CADPS2: variants seen among roughly 807,000 people sequenced by gnomAD.
CADPS2 encodes calcium-dependent secretion activator 2.
A neutral mutation model predicts 172.5 loss-of-function variants in CADPS2; 93 were observed. That is an observed-to-expected ratio of 0.54 (90% CI 0.46 to 0.64). The LOEUF (loss-of-function observed/expected upper bound fraction) is 0.64, where lower values mean the gene tolerates loss of function less well. Ranked by LOEUF, CADPS2 falls within the 30% of genes least tolerant of loss-of-function variation. The pLI, the probability that CADPS2 is intolerant of heterozygous loss-of-function variation, is 0.00. For synonymous variants in CADPS2, 546 were observed against 555.2 expected (o/e 0.98, Z 0.23); for missense variants, 1,420 against 1,565.9 (o/e 0.91, Z 1.57).
intron 2 of CADPS2, among the ~76,000 whole-genome samples, chr7:122,689,020 T>C (rs1233760848): frequency 6.6e-6 from 1 of 152,142 alleles, no homozygotes. Flanking sequence ...CCTAGGCTGA[T>C]GGAGTCCTTT....
intron 1 of CADPS2, among the ~76,000 whole-genome samples, chr7:122,866,441 T>C (rs1354938221): frequency 6.6e-6 from 1 of 152,094 alleles, no homozygotes; most frequent in Non-Finnish European, 1.5e-5. Context: ...GGCTCAGACC[T>C]TGTAATCCCA....
chr7:122,770,488 T>C (rs1488919678), intron 1 of CADPS2, among the ~76,000 whole-genome samples: 1 of 152,136 alleles, frequency 6.6e-6, no homozygotes, highest in Non-Finnish European at 1.5e-5. Context: ...CGTAACACAG[T>C]ATCTGCTGCA....
intron 3 of CADPS2, among the ~76,000 whole-genome samples, chr7:122,648,655 G>A (rs1012674756): frequency 6.6e-6 from 1 of 152,130 alleles, no homozygotes; most frequent in Non-Finnish European, 1.5e-5. Context: ...CCTAGATCCT[G>A]CCAGAAATTC....
chr7:122,345,817 C>T, intron 27 of CADPS2, 136 bp from the exon 28 acceptor site: 1 of 555,764 alleles, frequency 1.8e-6, no homozygotes, highest in South Asian at 2.6e-5. Context: ...CAAAAGTGAG[C>T]ATCTTCAATA....
chr7:122,332,394 C>CT (rs35258384), intron 28 of CADPS2, among the ~76,000 whole-genome samples: 30,158 of 137,166 alleles, frequency 0.22, 3,596 homozygotes, highest in East Asian at 0.46. Flanking sequence ...TCTTCATCAT[C>CT]TTTTTTTTTT....
intron 3 of CADPS2, among the ~76,000 whole-genome samples, chr7:122,645,117 A>T (rs181725424): frequency 9.9e-5 from 15 of 151,526 alleles, no homozygotes; most frequent in Admixed American, 5.3e-4. Context: ...AGAACATAAG[A>T]AGTTTAACCT....
At chr7:122,856,955 T>G (rs917186934) in intron 1 of CADPS2, among the ~76,000 whole-genome samples, 10 of 152,336 alleles carry the variant, frequency 6.6e-5, no homozygotes, top group Admixed American at 2.0e-4. Context: ...AAGTATACAC[T>G]TCTAATATAA....
chr7:122,740,413 C>G (rs529876383), intron 1 of CADPS2, among the ~76,000 whole-genome samples: 1 of 152,116 alleles, frequency 6.6e-6, no homozygotes, highest in Non-Finnish European at 1.5e-5. Flanking sequence ...ATGGAGGAAC[C>G]TTAAATGCAT....
chr7:122,614,336 T>C (rs1170998177), intron 6 of CADPS2, among the ~76,000 whole-genome samples: 1 of 152,128 alleles, frequency 6.6e-6, no homozygotes, highest in Non-Finnish European at 1.5e-5. Context: ...CTCCCTATCC[T>C]GCCTGCTCTA....
At chr7:122,756,482 T>C (rs574285734) in intron 1 of CADPS2, among the ~76,000 whole-genome samples, 29 of 152,298 alleles carry the variant, frequency 1.9e-4, no homozygotes, top group African/African-American at 6.5e-4. Flanking sequence ...TAAGAAGTTA[T>C]ATTTTTAAAA....
chr7:122,728,252 A>C (rs1412763806), intron 2 of CADPS2, among the ~76,000 whole-genome samples: 2 of 151,912 alleles, frequency 1.3e-5, no homozygotes, highest in Non-Finnish European at 2.9e-5. Context: ...TATATCTATC[A>C]AGGATAAAAA....
At chr7:122,329,578 A>C (rs1037593496) in intron 28 of CADPS2, among the ~76,000 whole-genome samples, 1 of 152,224 alleles carries the variant, frequency 6.6e-6, no homozygotes, top group Non-Finnish European at 1.5e-5. Context: ...GAATTTCATT[A>C]TTCTGTTAAC....
At chr7:122,728,144 A>C (rs1178439571) in intron 2 of CADPS2, among the ~76,000 whole-genome samples, 1 of 151,882 alleles carries the variant, frequency 6.6e-6, no homozygotes, top group Non-Finnish European at 1.5e-5. Flanking sequence ...TTCTATTCCA[A>C]AGTAAAATGA....
chr7:122,592,953 G>A (rs911947114), intron 6 of CADPS2, among the ~76,000 whole-genome samples: 2 of 151,482 alleles, frequency 1.3e-5, no homozygotes, highest in Non-Finnish European at 2.9e-5. Flanking sequence ...AAACCTGCAC[G>A]TTGTACACGT....
chr7:122,795,244 A>C (rs1307241586), intron 1 of CADPS2, among the ~76,000 whole-genome samples: 1 of 152,150 alleles, frequency 6.6e-6, no homozygotes, highest in Non-Finnish European at 1.5e-5. Context: ...GAGAAGATTC[A>C]AATAAACAAA....
intron 9 of CADPS2, among the ~76,000 whole-genome samples, chr7:122,504,439 C>T (rs749988354): frequency 6.6e-6 from 1 of 152,174 alleles, no homozygotes; most frequent in African/African-American, 2.4e-5. Context: ...GGGGATTGAA[C>T]TCTCTTCAAA....
chr7:122,770,303 A>G (rs1423170336), intron 1 of CADPS2, among the ~76,000 whole-genome samples: 1 of 152,220 alleles, frequency 6.6e-6, no homozygotes, highest in Non-Finnish European at 1.5e-5. Flanking sequence ...TAGGAAGGGA[A>G]TACAATACTG....
At chr7:122,443,782 C>T (rs1034423339) in intron 15 of CADPS2, among the ~76,000 whole-genome samples, 2 of 146,524 alleles carry the variant, frequency 1.4e-5, no homozygotes, top group Non-Finnish European at 3.0e-5. Flanking sequence ...ACTTTATATC[C>T]TTCAATTGTA....
At chr7:122,814,215 G>A (rs888141658) in intron 1 of CADPS2, among the ~76,000 whole-genome samples, 1 of 97,634 alleles carries the variant, frequency 1.0e-5, no homozygotes, top group African/African-American at 4.1e-5. Flanking sequence ...AGGTTTTGAT[G>A]GTAATAACGT....
Sources: allele counts gnomAD v4.1 joint callset (sites outside exome capture counted in the v4.1 genomes callset), GRCh38; gene constraint gnomAD v4.1.1; transcripts MANE v1.5; gene names NCBI Gene and HGNC (gene_info 2026-07-23, HGNC 2026-07-21).